Variants in CERS6 observed in about 807,000 individuals in gnomAD.
The protein encoded by CERS6 is LAG1 homolog, ceramide synthase 6.
Under a neutral mutation model 56.8 loss-of-function variants are expected in CERS6, and 26 were observed. That is an observed-to-expected ratio of 0.46 (90% CI 0.34 to 0.63). The LOEUF (loss-of-function observed/expected upper bound fraction) is 0.63. Among genes scored for constraint, CERS6 ranks in the 30% least tolerant of loss-of-function variants. The pLI is 0.01. For missense variants in CERS6, 415 were observed against 467.5 expected, an observed-to-expected ratio of 0.89 and a Z score of 1.04; for synonymous variants, 164 against 173.3, an observed-to-expected ratio of 0.95 and a Z score of 0.42.
At position 168,720,485 on chromosome 2, in the gene CERS6, T is replaced by C. The variant is rs932330607; in HGVS notation, c.845+2507T>C. 2.6e-5 allele frequency among the ~76,000 whole-genome samples: 4 copies of C among 152,136 alleles called. No individual in the cohort carries two copies. In the East Asian group the frequency reaches 7.7e-4, roughly 29 times the overall value. On this transcript the variant is annotated intron_variant, in intron 8 of 9. Coordinates refer to ENST00000305747, the MANE Select transcript of CERS6 (RefSeq NM_203463.3). Reference sequence around the variant, plus strand: ...TGGGGTCTGAGTATCTTGATTGACATTCTTAAGTCTGCTGTTTGCTGCGTC... The same window carrying C: ...TGGGGTCTGAGTATCTTGATTGACACTCTTAAGTCTGCTGTTTGCTGCGTC...
intron 1 of CERS6, among the ~76,000 whole-genome samples, chr2:168,515,762 CTTG>C (rs1284397962): frequency 6.6e-6 from 1 of 152,128 alleles, no homozygotes; most frequent in African/African-American, 2.4e-5. Context: ...TTTGAAAGTA[CTTG>C]TTGTGCCAAG....
intron 8 of CERS6, among the ~76,000 whole-genome samples, chr2:168,754,527 A>G (rs567438380): frequency 1.8e-4 from 28 of 152,222 alleles, no homozygotes; most frequent in African/African-American, 6.7e-4. Context: ...GAGTACACAC[A>G]CAATGCCTAA....
At chr2:168,701,772 G>C (rs1265106318) in intron 6 of CERS6, among the ~76,000 whole-genome samples, 3 of 152,124 alleles carry the variant, frequency 2.0e-5, no homozygotes, top group Admixed American at 1.3e-4. Flanking sequence ...TTGGGAGTCT[G>C]AGGCGGGCAG....
chr2:168,622,975 A>G (rs1684508719), intron 3 of CERS6, among the ~76,000 whole-genome samples: 2 of 152,154 alleles, frequency 1.3e-5, no homozygotes, highest in South Asian at 2.1e-4. Context: ...TCTCACCTTT[A>G]TTTTATTGTT....
At chr2:168,597,649 A>G (rs1403118300) in intron 3 of CERS6, among the ~76,000 whole-genome samples, 1 of 152,218 alleles carries the variant, frequency 6.6e-6, no homozygotes, top group African/African-American at 2.4e-5. Context: ...TCCCAATGAT[A>G]CAAAATATTC....
chr2:168,705,661 A>G (rs1686921549), intron 6 of CERS6, among the ~76,000 whole-genome samples: 1 of 152,166 alleles, frequency 6.6e-6, no homozygotes, highest in Non-Finnish European at 1.5e-5. Flanking sequence ...CTGGTTACCC[A>G]TTGTCAATTT....
intron 3 of CERS6, among the ~76,000 whole-genome samples, chr2:168,609,289 G>A (rs1684128960): frequency 6.6e-6 from 1 of 152,054 alleles, no homozygotes; most frequent in African/African-American, 2.4e-5. Flanking sequence ...ACCACCCCTG[G>A]CCTCCCTTCT....
rs563469117 is a variant in CERS6, at chr2:168,609,091, G to A, written c.408-21894G>A. ...TTTTACTTCATTTTCCATTTAGGGT[G>A]CATCTGTCAAAGGTGACTTCAAGGG... On this transcript the variant is annotated intron_variant, in intron 3 of 9. Coordinates refer to ENST00000305747, the MANE Select transcript of CERS6 (RefSeq NM_203463.3). Among the ~76,000 whole-genome samples, 4 of 152,298 alleles carry A rather than the reference G, an allele frequency of 2.6e-5. No individual in the cohort carries two copies. In the South Asian group the frequency reaches 8.3e-4, roughly 32 times the overall value.
At chr2:168,659,697 GT>G (rs36093106) in intron 4 of CERS6, among the ~76,000 whole-genome samples, 17 of 146,338 alleles carry the variant, frequency 1.2e-4, no homozygotes, top group African/African-American at 2.5e-4. Flanking sequence ...TTTTGTTTTT[GT>G]TTTTTTTTTA....
intron 8 of CERS6, among the ~76,000 whole-genome samples, chr2:168,749,488 C>T (rs1440147373): frequency 6.6e-6 from 1 of 152,178 alleles, no homozygotes; most frequent in East Asian, 1.9e-4. Flanking sequence ...GCTGTCTCCA[C>T]CCCTTATTCA....
intron 3 of CERS6, among the ~76,000 whole-genome samples, chr2:168,612,483 G>T (rs1177475542): frequency 6.6e-6 from 1 of 152,216 alleles, no homozygotes; most frequent in African/African-American, 2.4e-5. Context: ...TCAGGGTTAA[G>T]GCTTTTTTGT....
Position 168,561,215 on chromosome 2 carries a change from A to G in CERS6, c.300A>G (p.Glu100=). The G allele has an allele frequency of 1.9e-6, 3 of 1,614,080 alleles. No homozygotes were observed. Among genetic ancestry groups the G allele is most frequent in the Admixed American group, 3.3e-5 (2 of 60,022 alleles). Residue 100 remains glutamate (E), a synonymous_variant, in exon 3 of 10, where the codon GAA becomes GAG. Coordinates refer to ENST00000305747, the MANE Select transcript of CERS6 (RefSeq NM_203463.3). The part of the protein sequence containing the change: ...ITKHPDEKRL[E]GLSKQLDWDV... ...AGCATCCTGATGAAAAGAGATTGGA[A>G]GGCCTCTCCAAGCAACTGGACTGGG...
intron 3 of CERS6, among the ~76,000 whole-genome samples, chr2:168,605,502 G>C (rs1684031685): frequency 6.6e-6 from 1 of 152,230 alleles, no homozygotes; most frequent in Admixed American, 6.5e-5. Flanking sequence ...ATTCAAGCAG[G>C]CTGCAGAAAT....
chr2:168,475,177 T>A (rs564695513), intron 1 of CERS6, among the ~76,000 whole-genome samples: 12 of 152,240 alleles, frequency 7.9e-5, no homozygotes, highest in Admixed American at 2.6e-4. Flanking sequence ...TGGCATGTAT[T>A]AACATTTTTT....
chr2:168,684,634 G>T (rs963390168), intron 4 of CERS6, among the ~76,000 whole-genome samples: 1 of 152,112 alleles, frequency 6.6e-6, no homozygotes, highest in East Asian at 1.9e-4. Flanking sequence ...CATGAAAAGA[G>T]AAATAAGCAA....
intron 4 of CERS6, among the ~76,000 whole-genome samples, chr2:168,632,008 CT>C (rs1559028631): frequency 6.6e-6 from 1 of 150,838 alleles, no homozygotes; most frequent in African/African-American, 2.4e-5. Context: ...CCTGCTGTTG[CT>C]TTTACTATAA....
intron 1 of CERS6, among the ~76,000 whole-genome samples, chr2:168,486,904 A>G (rs1694286756): frequency 6.6e-6 from 1 of 152,156 alleles, no homozygotes; most frequent in Non-Finnish European, 1.5e-5. Flanking sequence ...TTTCACCGCT[A>G]ATGTCAAACC....
chr2:168,757,519 A>G (rs971713405), intron 8 of CERS6, among the ~76,000 whole-genome samples: 1 of 152,188 alleles, frequency 6.6e-6, no homozygotes, highest in Non-Finnish European at 1.5e-5. Flanking sequence ...TAGAACTATA[A>G]CGTGCACTGC....
intron 1 of CERS6, among the ~76,000 whole-genome samples, chr2:168,496,028 C>T (rs1348295281): frequency 1.3e-5 from 2 of 152,194 alleles, no homozygotes; most frequent in Non-Finnish European, 2.9e-5. Context: ...TATTTGGTCC[C>T]CACTGCAACC....
Sources: allele counts gnomAD v4.1 joint callset (sites outside exome capture counted in the v4.1 genomes callset), GRCh38; gene constraint gnomAD v4.1.1; transcripts MANE v1.5; gene names NCBI Gene and HGNC (gene_info 2026-07-23, HGNC 2026-07-21).